EPS15L1: variants seen among roughly 807,000 people sequenced by gnomAD.
The protein encoded by EPS15L1 is epidermal growth factor receptor substrate 15-like 1.
EPS15L1 carries 43 observed loss-of-function variants against 117.1 expected under a neutral mutation model. The ratio of observed to expected loss-of-function variants is 0.37; its 90% confidence interval spans 0.29 to 0.47. The LOEUF (loss-of-function observed/expected upper bound fraction) is 0.47, where lower values mean the gene tolerates loss of function less well. EPS15L1 is among the 20% of genes least tolerant of loss of function. EPS15L1 has a pLI of 0.99. For missense variants in EPS15L1, 981 were observed against 1,164.0 expected, an observed-to-expected ratio of 0.84 and a Z score of 2.29; for synonymous variants, 459 against 470.5, an observed-to-expected ratio of 0.98 and a Z score of 0.32.
intron 7 of EPS15L1, among the ~76,000 whole-genome samples, chr19:16,431,640 G>C (rs975701331): frequency 6.6e-6 from 1 of 152,212 alleles, no homozygotes; most frequent in African/African-American, 2.4e-5. Context: ...CACAACAGGG[G>C]AACTATAGCT....
At chr19:16,469,078 G>C (rs141588071) in intron 1 of EPS15L1, among the ~76,000 whole-genome samples, 106 of 152,256 alleles carry the variant, frequency 7.0e-4, no homozygotes, top group Admixed American at 2.7e-3. Flanking sequence ...GAGTGGGCAA[G>C]TAGGAAGTAG....
intron 1 of EPS15L1, among the ~76,000 whole-genome samples, chr19:16,468,640 C>T (rs1298268460): frequency 6.8e-6 from 1 of 146,790 alleles, no homozygotes; most frequent in Non-Finnish European, 1.5e-5. Context: ...GCCACAGCGC[C>T]CAGCCATAAA....
chr19:16,371,895 TGC>T lies in EPS15L1; in HGVS notation c.2380+5225_2380+5226del, dbSNP rs1236381055. On this transcript the variant is annotated intron_variant, in intron 22 of 23. Transcript: ENST00000455140. The surrounding 1 kb of genome is among the most constrained non-coding windows in gnomAD (Gnocchi z 4.7). ...CCATTGTTTACCTGGGGGAGGTGTG[TGC>T]CACGGCTAACTTTAACCTAACTCTA... Among the ~76,000 whole-genome samples, 3 of 152,374 alleles carry T rather than the reference TGC, an allele frequency of 2.0e-5. No individual in the cohort carries two copies. In the East Asian group the frequency reaches 5.8e-4, roughly 29 times the overall value.
At chr19:16,379,086 G>A (rs968950500) in intron 21 of EPS15L1, among the ~76,000 whole-genome samples, 2 of 152,104 alleles carry the variant, frequency 1.3e-5, no homozygotes, top group Non-Finnish European at 2.9e-5. Context: ...GGCAGATCAC[G>A]AGGTTAGGAG....
intron 1 of EPS15L1, among the ~76,000 whole-genome samples, chr19:16,451,405 C>G (rs962960135): frequency 1.3e-5 from 2 of 152,106 alleles, no homozygotes; most frequent in Admixed American, 6.5e-5. Flanking sequence ...CAGATAATAC[C>G]AATACCAAAG....
intron 16 of EPS15L1, among the ~76,000 whole-genome samples, chr19:16,400,336 C>CAAAAAAAAAAAAAAAAAA (rs1162302779): frequency 1.3e-4 from 8 of 60,680 alleles, no homozygotes; most frequent in Admixed American, 1.3e-3. Context: ...GACTCCGTCT[C>CAAAAAAAAAAAAAAAAAA]AAAAAAAAAA....
At chr19:16,439,902 T>TCA (rs2093013414) in intron 4 of EPS15L1, among the ~76,000 whole-genome samples, 1 of 151,028 alleles carries the variant, frequency 6.6e-6, no homozygotes, top group Non-Finnish European at 1.5e-5. Context: ...ATGCTTGGTA[T>TCA]CAGAAGAGTT....
At chr19:16,416,679 C>T (rs891494686) in intron 12 of EPS15L1, among the ~76,000 whole-genome samples, 4 of 151,250 alleles carry the variant, frequency 2.6e-5, no homozygotes, top group East Asian at 1.9e-4. Flanking sequence ...CATGGTGGTG[C>T]GTCCTAGCTA....
chr19:16,404,600 A>T lies in EPS15L1; in HGVS notation c.1416T>A (p.Asp472Glu). Residue 472 changes from aspartate (D) to glutamate (E), a missense_variant, in exon 14 of 24, where the codon GAT (aspartate) becomes GAA (glutamate). Transcript: ENST00000455140. This position sits in a 1 kb window ranked among gnomAD's most constrained non-coding sequence, Gnocchi z 4.2. ...MLSDVRQKCQDETQMISSLKT... is the reference protein window; with the variant it reads ...MLSDVRQKCQEETQMISSLKT... ...GGCCGGGACCCACCATCTGAGTCTC[A>T]TCCTGGCACTTCTGCCGGACGTCGC... 2 of 1,614,092 alleles carry T rather than the reference A, an allele frequency of 1.2e-6. No individual in the cohort carries two copies. The highest frequency in any genetic ancestry group is 1.7e-6 in the Non-Finnish European group (2 of 1,180,000).
chr19:16,445,285 G>A (rs1568458170), intron 1 of EPS15L1, among the ~76,000 whole-genome samples: 1 of 152,162 alleles, frequency 6.6e-6, no homozygotes, highest in Non-Finnish European at 1.5e-5. Context: ...TCGAACACTT[G>A]ATGACCACCG....
At chr19:16,361,472 A>T in intron 23 of EPS15L1, 1 of 696,082 alleles carries the variant, frequency 1.4e-6, no homozygotes, top group Non-Finnish European at 1.8e-6. Context: ...AGTGAACACA[A>T]CAGCCTCGGT....
In EPS15L1 at chr19:16,370,896, T is replaced by C. The variant is rs908854571; in HGVS notation, c.2380+6226A>G. On this transcript the variant is annotated intron_variant, in intron 22 of 23. Coordinates refer to ENST00000455140, the MANE Select transcript of EPS15L1 (RefSeq NM_001258374.3). This position sits in a 1 kb window ranked among gnomAD's most constrained non-coding sequence, Gnocchi z 5.2. Reference sequence around the variant, plus strand: ...GGCAGGAAAGAGGGACTCCACCTGGTTGGCCGTTTTAGGCTCCTTGGGACC... The same window carrying C: ...GGCAGGAAAGAGGGACTCCACCTGGCTGGCCGTTTTAGGCTCCTTGGGACC... Among the ~76,000 whole-genome samples, 5 of 152,128 alleles carry C rather than the reference T, an allele frequency of 3.3e-5. No homozygotes were observed. The highest frequency in any genetic ancestry group is 1.3e-4 in the Admixed American group (2 of 15,276).
Position 16,363,775 on chromosome 19 carries a change from C to A in EPS15L1, c.2381-1791G>T, listed in dbSNP as rs902489732. ...GGCCAGTGAGAACCTGGCCCGTAGC[C>A]CCCCCTTGCCTGTAGCCCTACTTCT... On this transcript the variant is annotated intron_variant, in intron 22 of 23. Coordinates refer to ENST00000455140, the MANE Select transcript of EPS15L1 (RefSeq NM_001258374.3). Among the ~76,000 whole-genome samples, 13 of 152,352 alleles carry A rather than the reference C, an allele frequency of 8.5e-5. No homozygotes were observed. The East Asian group carries it at 9.6e-4, about 11-fold the overall frequency.
chr19:16,359,848 G>T (rs1348292110), intron 23 of EPS15L1, among the ~76,000 whole-genome samples: 2 of 151,506 alleles, frequency 1.3e-5, no homozygotes, highest in African/African-American at 4.9e-5. Flanking sequence ...GGGCAACAGA[G>T]CGAGACTCAT....
intron 21 of EPS15L1, among the ~76,000 whole-genome samples, chr19:16,377,605 G>C (rs1282365398): frequency 6.6e-6 from 1 of 152,218 alleles, no homozygotes; most frequent in Non-Finnish European, 1.5e-5. Flanking sequence ...TGGGCCTCCT[G>C]CTTACACTTC....
At chr19:16,407,969 T>C (rs911352792) in intron 13 of EPS15L1, among the ~76,000 whole-genome samples, 2 of 152,100 alleles carry the variant, frequency 1.3e-5, no homozygotes, top group Non-Finnish European at 2.9e-5. Context: ...CTAAGAAGTT[T>C]GGGGGTGATA....
intron 1 of EPS15L1, among the ~76,000 whole-genome samples, chr19:16,462,370 G>A (rs1342661960): frequency 6.6e-6 from 1 of 152,146 alleles, no homozygotes; most frequent in Admixed American, 6.6e-5. Context: ...CAGAATCAGG[G>A]AAGTGGGGGG....
chr19:16,392,257 A>T, intron 19 of EPS15L1, 47 bp downstream of exon 19: 1 of 1,610,178 alleles, frequency 6.2e-7, no homozygotes, highest in Non-Finnish European at 8.5e-7. Context: ...CCCTTACCAC[A>T]CAGAGCAGGC....
At chr19:16,395,167 C>G (rs1873341644) in intron 17 of EPS15L1, among the ~76,000 whole-genome samples, 177 bp downstream of exon 17, 1 of 150,254 alleles carries the variant, frequency 6.7e-6, no homozygotes, top group Admixed American at 6.6e-5. Flanking sequence ...TGCATTCCAG[C>G]CTGGCTGACA....
Sources: gnomAD v4.1 joint callset for allele counts (sites outside exome capture counted in the v4.1 genomes callset) on GRCh38, gnomAD v4.1.1 for gene constraint, Gnocchi (gnomAD v3.1) non-coding constraint, MANE v1.5 for transcripts, NCBI Gene and HGNC (gene_info 2026-07-23, HGNC 2026-07-21) for gene names.